CUX2: variants seen among roughly 807,000 people sequenced by gnomAD.
CUX2 encodes the protein homeobox protein cut-like 2.
CUX2 carries 40 observed loss-of-function variants against 144.8 expected under a neutral mutation model. The observed-to-expected ratio is 0.28, with a 90% CI of 0.21 to 0.36. CUX2 has a LOEUF of 0.36. Among genes scored for constraint, CUX2 ranks in the 10% least tolerant of loss-of-function variants. CUX2 has a pLI of 1.00. For synonymous variants in CUX2, 827 were observed against 875.6 expected (o/e 0.94, Z 0.98); for missense variants, 1,615 against 1,994.0 (o/e 0.81, Z 3.62).
In CUX2 at chr12:111,178,085, G is replaced by A. The variant is rs954788632; in HGVS notation, c.64-36115G>A. On this transcript the variant is annotated intron_variant, in intron 1 of 21. Coordinates refer to ENST00000261726, the MANE Select transcript of CUX2 (RefSeq NM_015267.4). This position sits in a 1 kb window ranked among gnomAD's most constrained non-coding sequence, Gnocchi z 5.7. ...TGGTTCTGTGTAAAAACACTGGGTCGAGCATCTTTTTTCCAGAAACCCTGG... is the reference window on the plus strand; with the variant it reads ...TGGTTCTGTGTAAAAACACTGGGTCAAGCATCTTTTTTCCAGAAACCCTGG... 2.6e-5 allele frequency among the ~76,000 whole-genome samples: 4 copies of A among 152,198 alleles called. No individual in the cohort carries two copies. Among genetic ancestry groups the A allele is most frequent in the Non-Finnish European group, 5.9e-5 (4 of 68,020 alleles).
At chr12:111,243,053 A>G (rs1397210058) in intron 3 of CUX2, among the ~76,000 whole-genome samples, 1 of 152,146 alleles carries the variant, frequency 6.6e-6, no homozygotes, top group Non-Finnish European at 1.5e-5. Flanking sequence ...TTATGGCTGC[A>G]TAGTATTCCA....
At chr12:111,148,376 C>T (rs1399969910) in intron 1 of CUX2, among the ~76,000 whole-genome samples, 11 of 114,116 alleles carry the variant, frequency 9.6e-5, no homozygotes, top group African/African-American at 3.0e-4. Flanking sequence ...GGGCGGGTGG[C>T]GGGGAAGAAT....
intron 1 of CUX2, among the ~76,000 whole-genome samples, chr12:111,055,033 A>G (rs1870453701): frequency 6.6e-6 from 1 of 152,216 alleles, no homozygotes; most frequent in South Asian, 2.1e-4. Flanking sequence ...CTGACTCCAC[A>G]GTCCATGTTC....
At chr12:111,144,960 G>A (rs888821484) in intron 1 of CUX2, among the ~76,000 whole-genome samples, 12 of 152,194 alleles carry the variant, frequency 7.9e-5, no homozygotes, top group African/African-American at 2.9e-4. Flanking sequence ...ACCTGGGATA[G>A]GCAGGGCAGA....
At chr12:111,282,050 G>T (rs890552286) in intron 4 of CUX2, among the ~76,000 whole-genome samples, 2 of 152,030 alleles carry the variant, frequency 1.3e-5, no homozygotes, top group African/African-American at 4.8e-5. Context: ...GGCCGGGTGT[G>T]GTGGCTCACA....
At chr12:111,096,286 T>G (rs1592890525) in intron 1 of CUX2, among the ~76,000 whole-genome samples, 3 of 152,322 alleles carry the variant, frequency 2.0e-5, no homozygotes, top group South Asian at 4.1e-4. Flanking sequence ...TCAAGTTCCC[T>G]ACCTGCCTGG....
intron 18 of CUX2, among the ~76,000 whole-genome samples, chr12:111,326,412 T>C (rs891289559): frequency 2.0e-5 from 1 of 50,206 alleles, no homozygotes; most frequent in Non-Finnish European, 3.9e-5. Context: ...TATAGTGTTG[T>C]GTTGGGGGAG....
At chr12:111,124,088 G>A (rs1874883551) in intron 1 of CUX2, among the ~76,000 whole-genome samples, 3 of 152,120 alleles carry the variant, frequency 2.0e-5, no homozygotes, top group Admixed American at 1.3e-4. Context: ...CCACTATCTA[G>A]GTCCCAAACA....
At chr12:111,149,000 G>A (rs1049131332) in intron 1 of CUX2, among the ~76,000 whole-genome samples, 1 of 151,832 alleles carries the variant, frequency 6.6e-6, no homozygotes, top group African/African-American at 2.4e-5. Flanking sequence ...CTGCCTCTAA[G>A]GGTGGAAAAA....
intron 9 of CUX2, among the ~76,000 whole-genome samples, chr12:111,301,802 CT>C (rs1260491328): frequency 1.3e-5 from 2 of 152,222 alleles, no homozygotes; most frequent in Non-Finnish European, 2.9e-5. Context: ...CAGCTAATTG[CT>C]TTAAAACCCA....
At chr12:111,290,545 A>G (rs528513105) in intron 4 of CUX2, among the ~76,000 whole-genome samples, 5 of 151,732 alleles carry the variant, frequency 3.3e-5, no homozygotes, top group Admixed American at 3.3e-4. Flanking sequence ...CTCCTGCCTC[A>G]GCCTCCCAAG....
chr12:111,062,489 C>CGG (rs1259905021), intron 1 of CUX2, among the ~76,000 whole-genome samples: 1 of 152,214 alleles, frequency 6.6e-6, no homozygotes, highest in Non-Finnish European at 1.5e-5. Flanking sequence ...GGAGACGGCT[C>CGG]GAGCGAGGGG....
At position 111,035,647 on chromosome 12, in the gene CUX2, C is replaced by T. The variant is rs1869404926; in HGVS notation, c.63+1407C>T. Among the ~76,000 whole-genome samples, 1 of 146,514 alleles carries T rather than the reference C, an allele frequency of 6.8e-6. No homozygotes were observed. Among genetic ancestry groups the T allele is most frequent in the Non-Finnish European group, 1.5e-5 (1 of 67,502 alleles). On this transcript the variant is annotated intron_variant, in intron 1 of 21. Transcript: ENST00000261726. This position sits in a 1 kb window ranked among gnomAD's most constrained non-coding sequence, Gnocchi z 6.0. ...TTTTTTTTAATCCGCCGGCAAATCT[C>T]GTTAAGTTTCTTCTGATAAGTGGTT...
At chr12:111,157,159 C>T (rs148194023) in intron 1 of CUX2, among the ~76,000 whole-genome samples, 179 of 150,670 alleles carry the variant, frequency 1.2e-3, no homozygotes, top group Admixed American at 3.7e-3. Context: ...TCAGAACAGA[C>T]TTTGAGGGAG....
At chr12:111,308,133 G>T in intron 12 of CUX2, 152 bp from the exon 13 acceptor site, 1 of 852,716 alleles carries the variant, frequency 1.2e-6, no homozygotes, top group East Asian at 2.4e-5. Context: ...TGCTACTTCA[G>T]GCCTGGGGTT....
chr12:111,110,113 G>C (rs1873853256), intron 1 of CUX2, among the ~76,000 whole-genome samples: 2 of 151,230 alleles, frequency 1.3e-5, no homozygotes, highest in Non-Finnish European at 2.9e-5. Context: ...AAACTCCTAG[G>C]CTCAAGCAAT....
chr12:111,306,867 C>T lies in CUX2; in HGVS notation c.859-54C>T, dbSNP rs571934213. 210 of 1,457,522 alleles carry T rather than the reference C, an allele frequency of 1.4e-4. 3 individuals carry two copies. In the African/African-American group the frequency reaches 2.6e-3, roughly 18 times the overall value. 90.3% of individuals were successfully genotyped at this position (1,457,522 alleles called of 1,614,324 possible). A position where few individuals can be genotyped will look rare whatever the true frequency, so the allele number is the denominator to read the frequency against. On this transcript the variant is annotated intron_variant, in intron 10 of 21. Transcript: ENST00000261726. Reference sequence around the variant, plus strand: ...GGATTCAGGGGTGGGGAGGCCAGACCTGTGGACCCCCATCCCTCACCTCTC... The same window carrying T: ...GGATTCAGGGGTGGGGAGGCCAGACTTGTGGACCCCCATCCCTCACCTCTC...
rs900271776 is a variant in CUX2 at position 111,108,665 on chromosome 12, C to G, written c.63+74425C>G. Among the ~76,000 whole-genome samples, 7 of 151,856 alleles carry G rather than the reference C, an allele frequency of 4.6e-5. No homozygotes were observed. The East Asian group carries it at 1.2e-3, about 25-fold the overall frequency. ...TATCTTTTCTCTCTCTTCCCCCACC[C>G]CATCTCCCCTCTCTGTCTCCACCCA... On this transcript the variant is annotated intron_variant, in intron 1 of 21. Transcript: ENST00000261726.
At chr12:111,165,728 C>T (rs1430643205) in intron 1 of CUX2, among the ~76,000 whole-genome samples, 1 of 152,174 alleles carries the variant, frequency 6.6e-6, no homozygotes, top group Non-Finnish European at 1.5e-5. Flanking sequence ...GCATCGCCTC[C>T]CAGCTCCACG....
Sources: allele counts gnomAD v4.1 joint callset (sites outside exome capture counted in the v4.1 genomes callset), GRCh38; gene constraint gnomAD v4.1.1; non-coding constraint Gnocchi (gnomAD v3.1); transcripts MANE v1.5; gene names NCBI Gene and HGNC (gene_info 2026-07-23, HGNC 2026-07-21).